BBS7: variants seen among roughly 807,000 people sequenced by gnomAD.
BBS7 encodes the protein BBSome complex member BBS7.
In BBS7, 50 loss-of-function variants were observed where a neutral mutation model predicts 90.3. The observed-to-expected ratio is 0.55, with a 90% CI of 0.44 to 0.70. The LOEUF (loss-of-function observed/expected upper bound fraction) is 0.70. Ranked by LOEUF, BBS7 falls within the 30% of genes least tolerant of loss-of-function variation. The pLI, the probability that BBS7 is intolerant of heterozygous loss-of-function variation, is 0.00. For missense variants in BBS7, 729 were observed against 838.9 expected (o/e 0.87, Z 1.62); for synonymous variants, 235 against 287.4 (o/e 0.82, Z 1.85).
At position 121,832,009 on chromosome 4, in the gene BBS7, A is replaced by AACACACACACACACACAC. The variant is rs375865529; in HGVS notation, c.1676+1204_1676+1221dup. Among the ~76,000 whole-genome samples the AACACACACACACACACAC allele has an allele frequency of 2.5e-3, 359 of 142,866 alleles. 4 individuals carry two copies. The highest frequency in any genetic ancestry group is 8.5e-3 in the African/African-American group (319 of 37,380). 93.7% of individuals were successfully genotyped at this position (142,866 alleles called of 152,430 possible). A position where few individuals can be genotyped will look rare whatever the true frequency, so the allele number is the denominator to read the frequency against. ...AATAACACAAAGCAAAAAAAACAAA[A>AACACACACACACACACAC]ACACACACACACACACACACACACA... On this transcript the variant is annotated intron_variant, in intron 15 of 18. Coordinates refer to ENST00000264499, the MANE Select transcript of BBS7 (RefSeq NM_176824.3).
chr4:121,826,088 G>A, intron 18 of BBS7, 95 bp from the exon 19 acceptor site: 2 of 1,049,034 alleles, frequency 1.9e-6, no homozygotes, highest in South Asian at 1.5e-5. Context: ...CTATTTTTAA[G>A]CACCTGTAAT....
chr4:121,864,046 G>A (rs1727130086), intron 2 of BBS7, among the ~76,000 whole-genome samples: 1 of 152,150 alleles, frequency 6.6e-6, no homozygotes, highest in Non-Finnish European at 1.5e-5. Context: ...GATTCTCATA[G>A]AAGCACAAAC....
chr4:121,861,466 T>C (rs1272234115), intron 4 of BBS7, 38 bp downstream of exon 4: 6 of 1,581,340 alleles, frequency 3.8e-6, no homozygotes, highest in Non-Finnish European at 5.2e-6. Flanking sequence ...ATATTATAAA[T>C]AAGTATGTAA....
chr4:121,840,640 C>A (rs1384898162), intron 12 of BBS7, among the ~76,000 whole-genome samples: 2 of 151,940 alleles, frequency 1.3e-5, no homozygotes, highest in Non-Finnish European at 2.9e-5. Flanking sequence ...AGAAATGTAG[C>A]TAGGTTCATG....
chr4:121,837,707 A>C (rs1351947789), intron 13 of BBS7, among the ~76,000 whole-genome samples: 2 of 152,160 alleles, frequency 1.3e-5, no homozygotes, highest in Non-Finnish European at 2.9e-5. Context: ...ATCATATGGC[A>C]AAGCAAGTTC....
chr4:121,855,371 T>G, intron 6 of BBS7, 118 bp downstream of exon 6: 1 of 969,914 alleles, frequency 1.0e-6, no homozygotes, highest in Non-Finnish European at 1.6e-6. Flanking sequence ...TGTTAGTTAC[T>G]GGCAAGTTAC....
At chr4:121,844,796 T>C (rs928524643) in intron 11 of BBS7, among the ~76,000 whole-genome samples, 4 of 152,134 alleles carry the variant, frequency 2.6e-5, no homozygotes, top group African/African-American at 9.7e-5. Flanking sequence ...CAGAAACTGT[T>C]GGGTTAATGA....
At chr4:121,860,511 G>A (rs1349901643) in intron 4 of BBS7, among the ~76,000 whole-genome samples, 2 of 152,094 alleles carry the variant, frequency 1.3e-5, no homozygotes, top group African/African-American at 4.8e-5. Flanking sequence ...GAAACCACTT[G>A]AAGAGACTGT....
At chr4:121,837,860 T>A (rs940451229) in intron 13 of BBS7, among the ~76,000 whole-genome samples, 1 of 152,174 alleles carries the variant, frequency 6.6e-6, no homozygotes, top group South Asian at 2.1e-4. Context: ...ATCCCAGCAC[T>A]TTGGGAGGCC....
chr4:121,861,730 A>AT, intron 3 of BBS7, 51 bp from the exon 4 acceptor site: 1 of 1,589,092 alleles, frequency 6.3e-7, no homozygotes, highest in Non-Finnish European at 8.6e-7. Flanking sequence ...TATTGTGAGC[A>AT]TTTTTTCCTT....
chr4:121,833,734 A>G (rs2661553), intron 14 of BBS7, among the ~76,000 whole-genome samples: 119,989 of 152,048 alleles, frequency 0.79, 47,761 homozygotes, highest in African/African-American at 0.89. Context: ...TTATAGAGAC[A>G]AGGTCTTACT....
At chr4:121,851,470 A>G (rs1726319121) in intron 8 of BBS7, among the ~76,000 whole-genome samples, 1 of 151,524 alleles carries the variant, frequency 6.6e-6, no homozygotes, top group South Asian at 2.1e-4. Flanking sequence ...AAGGGAAGAA[A>G]GGGAGAAAGG....
At chr4:121,855,830 A>ACACATATGTATACATATATG (rs1309125617) in intron 5 of BBS7, among the ~76,000 whole-genome samples, 4 of 92,480 alleles carry the variant, frequency 4.3e-5, no homozygotes, top group African/African-American at 1.3e-4. Context: ...ATACATATAT[A>ACACATATGTATACATATATG]CACATATGTA....
At chr4:121,828,810 G>C (rs1011550016) in intron 15 of BBS7, 82 bp from the exon 16 acceptor site, 15 of 837,600 alleles carry the variant, frequency 1.8e-5, no homozygotes, top group Non-Finnish European at 2.8e-5. Context: ...TTAGTACTTA[G>C]AGTATAGATT....
chr4:121,855,815 CATGTATACATATATACACAT>C (rs1726590072), intron 5 of BBS7, among the ~76,000 whole-genome samples: 1 of 93,998 alleles, frequency 1.1e-5, no homozygotes, highest in East Asian at 2.9e-4. Flanking sequence ...TATGTACACA[CATGTATACATATATACACAT>C]ATGTATACAT....
At chr4:121,845,812 T>A in intron 10 of BBS7, 116 bp from the exon 11 acceptor site, 1 of 979,922 alleles carries the variant, frequency 1.0e-6, no homozygotes, top group South Asian at 1.5e-5. Context: ...ATTGGTTGAG[T>A]TAATAAAATA....
Position 121,827,831 on chromosome 4 carries a change from C to A in BBS7, c.2014+315G>T, listed in dbSNP as rs1724979788. 4 of 1,007,018 alleles carry A rather than the reference C, an allele frequency of 4.0e-6. No individual in the cohort carries two copies. In the South Asian group the frequency reaches 1.6e-4, roughly 40 times the overall value. 62.4% of individuals were successfully genotyped at this position (1,007,018 alleles called of 1,614,324 possible). A position where few individuals can be genotyped will look rare whatever the true frequency, so the allele number is the denominator to read the frequency against. ...GACAATTATTTGTGTGAAATACAGT[C>A]TAAGCTCTAAAGGTTCATAGATTAC... On this transcript the variant is annotated intron_variant, in intron 18 of 18. Coordinates refer to ENST00000264499, the MANE Select transcript of BBS7 (RefSeq NM_176824.3).
At chr4:121,852,583 A>G (rs970806361) in intron 8 of BBS7, among the ~76,000 whole-genome samples, 1 of 152,114 alleles carries the variant, frequency 6.6e-6, no homozygotes, top group African/African-American at 2.4e-5. Context: ...CTGTCCTAAC[A>G]ATATGAAGTT....
chr4:121,827,084 C>A (rs1434152554), intron 18 of BBS7, among the ~76,000 whole-genome samples: 1 of 152,146 alleles, frequency 6.6e-6, no homozygotes, highest in Non-Finnish European at 1.5e-5. Context: ...CAAGATTTTG[C>A]TGTCAAATTA....
Sources: allele counts gnomAD v4.1 joint callset (sites outside exome capture counted in the v4.1 genomes callset), GRCh38; gene constraint gnomAD v4.1.1; transcripts MANE v1.5; gene names NCBI Gene and HGNC (gene_info 2026-07-23, HGNC 2026-07-21).